Variants in TEX264 observed in about 807,000 individuals in gnomAD.
TEX264 encodes the protein testis expressed 264, ER-phagy receptor.
Under a neutral mutation model 23.4 loss-of-function variants are expected in TEX264, and 13 were observed. The observed-to-expected ratio is 0.56, with a 90% CI of 0.36 to 0.88. The LOEUF (loss-of-function observed/expected upper bound fraction) is 0.88. Ranked by LOEUF, TEX264 falls within the 40% of genes least tolerant of loss-of-function variation. The pLI is 0.01. For missense variants in TEX264, 340 were observed against 406.8 expected, an observed-to-expected ratio of 0.84 and a Z score of 1.41; for synonymous variants, 159 against 170.0, an observed-to-expected ratio of 0.94 and a Z score of 0.50.
chr3:51,698,454 G>A (rs767191237), intron 3 of TEX264, among the ~76,000 whole-genome samples: 2 of 152,150 alleles, frequency 1.3e-5, no homozygotes, highest in South Asian at 2.1e-4. Flanking sequence ...GTGCTCCTTC[G>A]CAGGAAAGGT....
chr3:51,693,097 C>T (rs1702886076), intron 3 of TEX264, among the ~76,000 whole-genome samples: 1 of 152,242 alleles, frequency 6.6e-6, no homozygotes, highest in Admixed American at 6.5e-5. Flanking sequence ...CCCCTCAATA[C>T]CCCAGGCTGC....
chr3:51,671,302 C>T lies in TEX264; in HGVS notation c.-35+14C>T, dbSNP rs977380335. 8 of 152,178 alleles carry T rather than the reference C, an allele frequency of 5.3e-5. No individual in the cohort carries two copies. The highest frequency in any genetic ancestry group is 3.9e-4 in the Admixed American group (6 of 15,294). 9.4% of individuals were successfully genotyped at this position (152,178 alleles called of 1,614,324 possible). A position where few individuals can be genotyped will look rare whatever the true frequency, so the allele number is the denominator to read the frequency against. ...GCGGCTGCTGAGGTGAGGGCCGGGC[C>T]AGAGGAGAGGCATACCCACTGGGGC... On this transcript the variant is annotated intron_variant, in intron 1 of 4. Transcript: ENST00000341333.
At chr3:51,680,792 C>T (rs148794367) in intron 2 of TEX264, among the ~76,000 whole-genome samples, 1,587 of 152,324 alleles carry the variant, frequency 0.01, 19 homozygotes, top group Non-Finnish European at 0.018. Flanking sequence ...AATACAGATA[C>T]TCATTGAGCC....
Position 51,699,393 on chromosome 3 carries a change from A to C in TEX264, c.481-13A>C. The C allele has an allele frequency of 6.2e-7, 1 of 1,611,856 alleles. No homozygotes were observed. The highest frequency in any genetic ancestry group is 1.1e-5 in the South Asian group (1 of 91,048). ...TGTAGGGCTCATTCTACCTTTTGCCACTCTCTGACTAGGAGCGGAAGCTGT... is the reference window on the plus strand; with the variant it reads ...TGTAGGGCTCATTCTACCTTTTGCCCCTCTCTGACTAGGAGCGGAAGCTGT... On this transcript the variant is annotated splice_polypyrimidine_tract_variant and intron_variant, in intron 3 of 4. Coordinates refer to ENST00000341333, the MANE Select transcript of TEX264 (RefSeq NM_015926.6).
At position 51,703,038 on chromosome 3, in the gene TEX264, G is replaced by T. The variant is rs1703370588; in HGVS notation, c.650-686G>T. ...TTCTCAGGGTCGACCCAGGCATAGG[G>T]AGAGAAAACCCTTAACATGTTTCAT... On this transcript the variant is annotated intron_variant, in intron 4 of 4. Coordinates refer to ENST00000341333, the MANE Select transcript of TEX264 (RefSeq NM_015926.6). The surrounding 1 kb of genome is among the most constrained non-coding windows in gnomAD (Gnocchi z 4.8). Among the ~76,000 whole-genome samples the T allele has an allele frequency of 6.6e-6, 1 of 152,074 alleles. No individual in the cohort carries two copies. Among genetic ancestry groups the T allele is most frequent in the South Asian group, 2.1e-4 (1 of 4,826 alleles).
intron 3 of TEX264, among the ~76,000 whole-genome samples, chr3:51,698,488 G>C (rs1703157167): frequency 6.6e-6 from 1 of 151,300 alleles, no homozygotes; most frequent in Non-Finnish European, 1.5e-5. Flanking sequence ...CTGAGTAAGA[G>C]GCAACTTGAC....
At chr3:51,681,281 G>A (rs953241135) in intron 2 of TEX264, 18 of 152,274 alleles carry the variant, frequency 1.2e-4, no homozygotes, top group African/African-American at 4.3e-4. Context: ...TGCAGGGCTT[G>A]CTTGTGTGTG....
intron 2 of TEX264, 60 bp downstream of exon 2, chr3:51,674,622 G>A: frequency 1.3e-6 from 2 of 1,583,612 alleles, no homozygotes; most frequent in South Asian, 2.2e-5. Flanking sequence ...GGGCTTCTTT[G>A]GGGAGGGTAG....
chr3:51,692,693 C>T (rs1368663164), intron 3 of TEX264, among the ~76,000 whole-genome samples: 1 of 152,242 alleles, frequency 6.6e-6, no homozygotes, highest in Non-Finnish European at 1.5e-5. Context: ...TCCTTGACTA[C>T]ACAGACAAGC....
chr3:51,671,286 G>A lies in TEX264; in HGVS notation c.-37G>A, dbSNP rs1373445365. On this transcript the variant is annotated splice_region_variant and 5_prime_UTR_variant, in exon 1 of 5. Transcript: ENST00000341333. ...TCGGCGTCCGCAGCGGGCGGCTGCT[G>A]AGGTGAGGGCCGGGCCAGAGGAGAG... 6.6e-6 allele frequency: 1 copy of A among 152,202 alleles called. No homozygotes were observed. The highest frequency in any genetic ancestry group is 2.4e-5 in the African/African-American group (1 of 41,454). 9.4% of individuals were successfully genotyped at this position (152,202 alleles called of 1,614,324 possible). A position where few individuals can be genotyped will look rare whatever the true frequency, so the allele number is the denominator to read the frequency against.
intron 4 of TEX264, among the ~76,000 whole-genome samples, chr3:51,702,531 T>C (rs987969391): frequency 6.6e-6 from 1 of 151,380 alleles, no homozygotes; most frequent in African/African-American, 2.4e-5. Flanking sequence ...CATTTGAGGC[T>C]CAAGGAAAGC....
rs554401010 is a variant in TEX264 at position 51,703,122 on chromosome 3, C to T, written c.650-602C>T. Among the ~76,000 whole-genome samples, 5 of 152,338 alleles carry T rather than the reference C, an allele frequency of 3.3e-5. No homozygotes were observed. Among genetic ancestry groups the T allele is most frequent in the African/African-American group, 1.2e-4 (5 of 41,580 alleles). ...TTTCTCAGGCCTTCTCCATCCTCCTCGTACTTCAGCTCCCTCCTCAACTGG... is the reference window on the plus strand; with the variant it reads ...TTTCTCAGGCCTTCTCCATCCTCCTTGTACTTCAGCTCCCTCCTCAACTGG... On this transcript the variant is annotated intron_variant, in intron 4 of 4. Coordinates refer to ENST00000341333, the MANE Select transcript of TEX264 (RefSeq NM_015926.6). The surrounding 1 kb of genome is among the most constrained non-coding windows in gnomAD (Gnocchi z 4.8).
At chr3:51,694,961 C>T (rs1376706185) in intron 3 of TEX264, among the ~76,000 whole-genome samples, 3 of 152,228 alleles carry the variant, frequency 2.0e-5, no homozygotes, top group African/African-American at 4.8e-5. Context: ...CTAGCTGCAG[C>T]CTCTTGCTAT....
At position 51,704,249 on chromosome 3, in the gene TEX264, G is replaced by A. The variant is rs765144208; in HGVS notation, c.*233G>A. ...AGCCCCCAGGGCTGCCACCCCTGTT[G>A]TGTCTTTTTTTCAGACTCACAGTGG... On this transcript the variant is annotated 3_prime_UTR_variant, in exon 5 of 5. Coordinates refer to ENST00000341333, the MANE Select transcript of TEX264 (RefSeq NM_015926.6). 2.3e-5 allele frequency: 9 copies of A among 383,738 alleles called. No homozygotes were observed. The highest frequency in any genetic ancestry group is 3.7e-5 in the Non-Finnish European group (8 of 217,314). 23.8% of individuals were successfully genotyped at this position (383,738 alleles called of 1,614,324 possible).
intron 1 of TEX264, among the ~76,000 whole-genome samples, chr3:51,673,474 G>A (rs1702123560): frequency 6.6e-6 from 1 of 152,166 alleles, no homozygotes; most frequent in Non-Finnish European, 1.5e-5. Flanking sequence ...TCCTCCTGCT[G>A]TGCGACTCCC....
rs1246125414 is a variant in TEX264, at chr3:51,699,518, C to CA, written c.594dup (p.Glu199ArgfsTer12). On this transcript the variant is annotated frameshift_variant, in exon 4 of 5. Transcript: ENST00000341333. LOFTEE classifies it high-confidence loss of function. ...TTCTATGTGCCTGAGATGAAGGAGA[C>CA]AGAGTGGAAATGGCGGGGGCTTGTG... is the stretch of plus-strand genomic sequence containing the variant. 1.2e-6 allele frequency: 2 copies of CA among 1,614,056 alleles called. No individual in the cohort carries two copies. Among genetic ancestry groups the CA allele is most frequent in the Non-Finnish European group, 8.5e-7 (1 of 1,179,936 alleles).
intron 3 of TEX264, among the ~76,000 whole-genome samples, chr3:51,696,127 G>A (rs373367530): frequency 8.5e-5 from 13 of 152,336 alleles, no homozygotes; most frequent in East Asian, 3.9e-4. Context: ...GGGTCTGTGT[G>A]TGGGAGTGAG....
At chr3:51,684,309 G>A in intron 2 of TEX264, 104 bp from the exon 3 acceptor site, 1 of 1,029,562 alleles carries the variant, frequency 9.7e-7, no homozygotes, top group South Asian at 1.5e-5. Context: ...GCTTGTCAGA[G>A]CTGCTGGTTC....
chr3:51,697,065 C>T (rs1703086699), intron 3 of TEX264, among the ~76,000 whole-genome samples: 1 of 152,246 alleles, frequency 6.6e-6, no homozygotes, highest in African/African-American at 2.4e-5. Flanking sequence ...TCCCTTGATC[C>T]TCTGTTCTCC....
Sources: allele counts gnomAD v4.1 joint callset (sites outside exome capture counted in the v4.1 genomes callset), GRCh38; gene constraint gnomAD v4.1.1; non-coding constraint Gnocchi (gnomAD v3.1); transcripts MANE v1.5; gene names NCBI Gene and HGNC (gene_info 2026-07-23, HGNC 2026-07-21).